The following MBOAT2 variants were observed in gnomAD, a reference collection of about 807,000 sequenced individuals.
The protein encoded by MBOAT2 is membrane bound glycerophospholipid O-acyltransferase 2, also known as membrane-bound glycerophospholipid O-acyltransferase 2.
In MBOAT2, 28 loss-of-function variants were observed where a neutral mutation model predicts 63.4. The ratio of observed to expected loss-of-function variants is 0.44; its 90% CI spans 0.33 to 0.61. The LOEUF is 0.61. MBOAT2 is among the 20% of genes least tolerant of loss of function. The pLI is 0.03. For missense variants in MBOAT2, 470 were observed against 605.8 expected (o/e 0.78, Z 2.35); for synonymous variants, 211 against 215.6 (o/e 0.98, Z 0.19).
At chr2:9,001,393 C>A (rs1335030350) in intron 1 of MBOAT2, among the ~76,000 whole-genome samples, 2 of 152,150 alleles carry the variant, frequency 1.3e-5, no homozygotes, top group Non-Finnish European at 2.9e-5. Context: ...TTTACACTGG[C>A]ATCACCACAA....
chr2:8,914,190 G>A (rs1362536146), intron 3 of MBOAT2, among the ~76,000 whole-genome samples: 1 of 152,004 alleles, frequency 6.6e-6, no homozygotes, highest in Non-Finnish European at 1.5e-5. Flanking sequence ...GGGGTGTGAG[G>A]GATAAAAGAC....
intron 2 of MBOAT2, among the ~76,000 whole-genome samples, chr2:8,946,494 T>A (rs185246007): frequency 1.3e-5 from 2 of 152,342 alleles, no homozygotes; most frequent in Admixed American, 6.5e-5. Context: ...TACTGCACTT[T>A]GCCTTACCGT....
At position 8,921,212 on chromosome 2, in the gene MBOAT2, CCT is replaced by C. The variant is rs563507621; in HGVS notation, c.300-12498_300-12497del. On this transcript the variant is annotated intron_variant, in intron 3 of 12. Transcript: ENST00000305997. The stretch of plus-strand genomic sequence containing the variant: ...TATTTGGTAGTGAACTATTTTAATT[CCT>C]CTGTTGATTCTTTCAATGTATACTT... Among the ~76,000 whole-genome samples the C allele has an allele frequency of 3.9e-5, 6 of 152,074 alleles. No homozygotes were observed. The South Asian group carries it at 1.0e-3, about 26-fold the overall frequency.
chr2:8,862,781 C>A lies in MBOAT2; in HGVS notation c.1053-59G>T. On this transcript the variant is annotated intron_variant, in intron 10 of 12. Coordinates refer to ENST00000305997, the MANE Select transcript of MBOAT2 (RefSeq NM_138799.4). This position sits in a 1 kb window ranked among gnomAD's most constrained non-coding sequence, Gnocchi z 4.3. ...GAGTGAGTGACCCGAGTTTACAAAGCCTGCAATGATCATTCTTTTATTACC... is the reference window on the plus strand; with the variant it reads ...GAGTGAGTGACCCGAGTTTACAAAGACTGCAATGATCATTCTTTTATTACC... 1 of 1,555,094 alleles carries A rather than the reference C, an allele frequency of 6.4e-7. No individual in the cohort carries two copies. Among genetic ancestry groups the A allele is most frequent in the Non-Finnish European group, 8.7e-7 (1 of 1,154,062 alleles).
chr2:8,862,815 T>C lies in MBOAT2; in HGVS notation c.1053-93A>G. The C allele has an allele frequency of 7.0e-7, 1 of 1,438,542 alleles. No homozygotes were observed. Among genetic ancestry groups the C allele is most frequent in the Non-Finnish European group, 9.3e-7 (1 of 1,076,048 alleles). 89.1% of individuals were successfully genotyped at this position (1,438,542 alleles called of 1,614,324 possible). On this transcript the variant is annotated intron_variant, in intron 10 of 12. Transcript: ENST00000305997. This position sits in a 1 kb window ranked among gnomAD's most constrained non-coding sequence, Gnocchi z 4.3. ...ATCATTCTTTTATTACCTGACAGGATTTAGGGTAACTAGAAAAACAAATAC... is the reference window on the plus strand; with the variant it reads ...ATCATTCTTTTATTACCTGACAGGACTTAGGGTAACTAGAAAAACAAATAC...
intron 1 of MBOAT2, among the ~76,000 whole-genome samples, chr2:8,989,117 A>T (rs1222989930): frequency 6.6e-6 from 1 of 152,224 alleles, no homozygotes; most frequent in Non-Finnish European, 1.5e-5. Context: ...GATAACATTC[A>T]GCTTTAACTC....
intron 1 of MBOAT2, among the ~76,000 whole-genome samples, chr2:8,975,297 G>T (rs1471010568): frequency 6.6e-6 from 1 of 151,920 alleles, no homozygotes; most frequent in African/African-American, 2.4e-5. Flanking sequence ...CATACTTTTT[G>T]GGATCCCAAA....
intron 3 of MBOAT2, among the ~76,000 whole-genome samples, chr2:8,926,425 A>T (rs1237046212): frequency 6.6e-6 from 1 of 152,230 alleles, no homozygotes; most frequent in African/African-American, 2.4e-5. Context: ...TGATTTATTA[A>T]GAAAAGGGGG....
At chr2:8,887,745 T>C (rs1047724819) in intron 5 of MBOAT2, among the ~76,000 whole-genome samples, 3 of 152,220 alleles carry the variant, frequency 2.0e-5, no homozygotes, top group African/African-American at 4.8e-5. Flanking sequence ...AATGTCTCTT[T>C]CCTTTATATG....
intron 2 of MBOAT2, among the ~76,000 whole-genome samples, chr2:8,946,414 T>C (rs1232945216): frequency 2.0e-5 from 3 of 152,192 alleles, no homozygotes; most frequent in African/African-American, 7.2e-5. Context: ...TTGCAGATGA[T>C]TGTTTTAAAA....
chr2:8,982,637 T>C (rs890378699), intron 1 of MBOAT2, among the ~76,000 whole-genome samples: 3 of 152,150 alleles, frequency 2.0e-5, no homozygotes, highest in Non-Finnish European at 2.9e-5. Context: ...CCAGTGGATA[T>C]CACTAACTTA....
intron 3 of MBOAT2, among the ~76,000 whole-genome samples, chr2:8,920,093 G>C (rs954019579): frequency 6.6e-6 from 1 of 152,052 alleles, no homozygotes; most frequent in African/African-American, 2.4e-5. Flanking sequence ...GCAATTATTT[G>C]GTTGTCATAT....
At chr2:8,948,962 T>C (rs747669525) in intron 2 of MBOAT2, among the ~76,000 whole-genome samples, 1 of 152,204 alleles carries the variant, frequency 6.6e-6, no homozygotes, top group Non-Finnish European at 1.5e-5. Flanking sequence ...CAACGTTGTA[T>C]GAAGCATTCC....
intron 1 of MBOAT2, among the ~76,000 whole-genome samples, chr2:8,975,248 T>G (rs1196156584): frequency 1.3e-5 from 2 of 152,166 alleles, no homozygotes; most frequent in Non-Finnish European, 2.9e-5. Context: ...TGGGGTCACT[T>G]CTACCCACCT....
At chr2:8,917,864 A>C (rs1278009848) in intron 3 of MBOAT2, among the ~76,000 whole-genome samples, 1 of 152,252 alleles carries the variant, frequency 6.6e-6, no homozygotes. Flanking sequence ...AGGATACATA[A>C]ATTGAGATAT....
At chr2:8,941,798 C>T (rs1289952992) in intron 3 of MBOAT2, among the ~76,000 whole-genome samples, 1 of 152,202 alleles carries the variant, frequency 6.6e-6, no homozygotes, top group Non-Finnish European at 1.5e-5. Context: ...GTTAACTTCA[C>T]CGACTGCAAC....
At chr2:8,988,748 A>G (rs1217635796) in intron 1 of MBOAT2, among the ~76,000 whole-genome samples, 1 of 152,178 alleles carries the variant, frequency 6.6e-6, no homozygotes, top group Non-Finnish European at 1.5e-5. Context: ...AAAAAGCTCT[A>G]TTTGTGAATT....
chr2:8,994,750 G>C (rs1032351766), intron 1 of MBOAT2, among the ~76,000 whole-genome samples: 21 of 152,296 alleles, frequency 1.4e-4, no homozygotes, highest in African/African-American at 5.1e-4. Context: ...ACCCAAAAAG[G>C]GAGGAAAGGA....
chr2:8,856,312 AACACACACAC>A lies in MBOAT2; in HGVS notation c.*2357_*2366del, dbSNP rs34746738. On this transcript the variant is annotated 3_prime_UTR_variant, in exon 13 of 13. Transcript: ENST00000305997. The surrounding 1 kb of genome is among the most constrained non-coding windows in gnomAD (Gnocchi z 4.2). Reference sequence around the variant, plus strand: ...GGCTAGATAGGCTGAACCAAAAAAAAACACACACACACACACACACACACACACGAACAAA... The same window carrying A: ...GGCTAGATAGGCTGAACCAAAAAAAAACACACACACACACACACGAACAAA... 6.3e-5 allele frequency: 9 copies of A among 143,832 alleles called. No individual in the cohort carries two copies. The highest frequency in any genetic ancestry group is 3.6e-3 in the Middle Eastern group (1 of 280). The allele number at this position is 143,832 out of a possible 1,614,324, so 8.9% of individuals were successfully genotyped here. A position where few individuals can be genotyped will look rare whatever the true frequency, so the allele number is the denominator to read the frequency against.
Sources: allele counts gnomAD v4.1 joint callset (sites outside exome capture counted in the v4.1 genomes callset), GRCh38; gene constraint gnomAD v4.1.1; non-coding constraint Gnocchi (gnomAD v3.1); transcripts MANE v1.5; gene names NCBI Gene and HGNC (gene_info 2026-07-23, HGNC 2026-07-21).